Variants in KCNMB2 observed in about 807,000 individuals in gnomAD.
The protein encoded by KCNMB2 is calcium-activated potassium channel subunit beta-2.
Under a neutral mutation model 24.5 loss-of-function variants are expected in KCNMB2, and 9 were observed. The observed-to-expected ratio is 0.37, with a 90% CI of 0.22 to 0.64. The LOEUF (loss-of-function observed/expected upper bound fraction) is 0.64, where lower values mean the gene tolerates loss of function less well. Among genes scored for constraint, KCNMB2 ranks in the 30% least tolerant of loss-of-function variants. The pLI, the probability that KCNMB2 is intolerant of heterozygous loss-of-function variation, is 0.63. For synonymous variants in KCNMB2, 109 were observed against 104.4 expected, an observed-to-expected ratio of 1.04 and a Z score of -0.27; for missense variants, 226 against 284.3, an observed-to-expected ratio of 0.79 and a Z score of 1.47.
intron 1 of KCNMB2, among the ~76,000 whole-genome samples, chr3:178,683,334 G>C (rs1420525448): frequency 6.6e-6 from 1 of 151,498 alleles, no homozygotes; most frequent in African/African-American, 2.4e-5. Flanking sequence ...GGCACAGAGA[G>C]GGGAGGGAGA....
intron 1 of KCNMB2, among the ~76,000 whole-genome samples, chr3:178,611,130 G>A (rs1335094503): frequency 6.6e-6 from 1 of 152,108 alleles, no homozygotes; most frequent in Admixed American, 6.6e-5. Context: ...TTTACTGGGA[G>A]ACTTTTTATT....
intron 1 of KCNMB2, among the ~76,000 whole-genome samples, chr3:178,559,337 G>C (rs941529996): frequency 6.6e-6 from 1 of 152,014 alleles, no homozygotes; most frequent in Non-Finnish European, 1.5e-5. Context: ...TAATTCACAA[G>C]TCTCAGATTT....
At chr3:178,583,391 G>A (rs541276775) in intron 1 of KCNMB2, among the ~76,000 whole-genome samples, 1 of 152,074 alleles carries the variant, frequency 6.6e-6, no homozygotes, top group East Asian at 1.9e-4. Flanking sequence ...ATATAAAAAG[G>A]GAACCTAATA....
At chr3:178,571,474 A>G (rs1716792619) in intron 1 of KCNMB2, among the ~76,000 whole-genome samples, 2 of 96,260 alleles carry the variant, frequency 2.1e-5, no homozygotes, top group Non-Finnish European at 4.2e-5. Flanking sequence ...ATATATATAT[A>G]TATATATATA....
intron 1 of KCNMB2, among the ~76,000 whole-genome samples, chr3:178,662,794 A>G (rs1170734780): frequency 6.6e-6 from 1 of 152,050 alleles, no homozygotes; most frequent in Non-Finnish European, 1.5e-5. Context: ...TTATGCTAAG[A>G]TCTCTAAATG....
intron 1 of KCNMB2, among the ~76,000 whole-genome samples, chr3:178,800,490 C>A (rs1713732389): frequency 6.6e-6 from 1 of 152,062 alleles, no homozygotes; most frequent in African/African-American, 2.4e-5. Flanking sequence ...CGTCTCACCC[C>A]AAGTTAAAAT....
chr3:178,607,852 T>A (rs1414503586), intron 1 of KCNMB2, among the ~76,000 whole-genome samples: 9 of 152,156 alleles, frequency 5.9e-5, no homozygotes, highest in African/African-American at 2.2e-4. Flanking sequence ...TAGGTTTTAA[T>A]GAAAAGAACA....
At position 178,811,312 on chromosome 3, in the gene KCNMB2, A is replaced by G. The variant is rs565020361; in HGVS notation, c.56+3847A>G. Among the ~76,000 whole-genome samples, 46 of 152,278 alleles carry G rather than the reference A, an allele frequency of 3.0e-4. No homozygotes were observed. The South Asian group carries it at 5.4e-3, about 18-fold the overall frequency. Reference sequence around the variant, plus strand: ...TGAAGCCCTTGAGGATGCTTTCCCAATACTATTCTACTCCCCATCAATCAA... The same window carrying G: ...TGAAGCCCTTGAGGATGCTTTCCCAGTACTATTCTACTCCCCATCAATCAA... On this transcript the variant is annotated intron_variant, in intron 2 of 4. Coordinates refer to ENST00000452583, the MANE Select transcript of KCNMB2 (RefSeq NM_181361.3).
At chr3:178,758,561 GATATATATATAT>G (rs754815380) in intron 1 of KCNMB2, among the ~76,000 whole-genome samples, 98 of 16,878 alleles carry the variant, frequency 5.8e-3, no homozygotes, top group African/African-American at 9.0e-3. Flanking sequence ...TCCAAGAGGA[GATATATATATAT>G]ATATATATAT....
chr3:178,638,005 C>T (rs1208657067), intron 1 of KCNMB2, among the ~76,000 whole-genome samples: 2 of 152,144 alleles, frequency 1.3e-5, no homozygotes, highest in African/African-American at 2.4e-5. Context: ...TTCCTGGACA[C>T]TCATCTAAAC....
At chr3:178,696,732 A>T (rs1231624899) in intron 1 of KCNMB2, among the ~76,000 whole-genome samples, 1 of 151,950 alleles carries the variant, frequency 6.6e-6, no homozygotes, top group African/African-American at 2.4e-5. Flanking sequence ...TGATGTGTGC[A>T]TTTTCTTCTA....
chr3:178,774,647 C>T (rs865800723), intron 1 of KCNMB2, among the ~76,000 whole-genome samples: 1 of 152,176 alleles, frequency 6.6e-6, no homozygotes, highest in South Asian at 2.1e-4. Context: ...ACACTGAGGG[C>T]ACCCCCGCTC....
chr3:178,828,137 A>G, intron 3 of KCNMB2, 41 bp from the exon 4 acceptor site: 1 of 1,449,594 alleles, frequency 6.9e-7, no homozygotes, highest in Non-Finnish European at 9.6e-7. Flanking sequence ...TCTCACTATT[A>G]GCTCTTGGGC....
rs1187446020 is a variant in KCNMB2, at chr3:178,825,568, C to T, written c.57-20C>T. 2 of 1,602,042 alleles carry T rather than the reference C, an allele frequency of 1.2e-6. No homozygotes were observed. The highest frequency in any genetic ancestry group is 1.3e-5 in the African/African-American group (1 of 74,646). On this transcript the variant is annotated intron_variant, in intron 2 of 4. Coordinates refer to ENST00000452583, the MANE Select transcript of KCNMB2 (RefSeq NM_181361.3). ...TGATTAACTAAACTTAATGTAAGAC[C>T]ATATTGTTTTTAACCTCAGAAATAT...
At chr3:178,636,627 CTT>C (rs1206617793) in intron 1 of KCNMB2, among the ~76,000 whole-genome samples, 4 of 152,234 alleles carry the variant, frequency 2.6e-5, no homozygotes, top group Non-Finnish European at 5.9e-5. Flanking sequence ...TTCCAGCACT[CTT>C]TTCACCTTCA....
intron 1 of KCNMB2, among the ~76,000 whole-genome samples, chr3:178,619,471 A>C (rs1279429273): frequency 6.6e-6 from 1 of 152,200 alleles, no homozygotes; most frequent in Non-Finnish European, 1.5e-5. Flanking sequence ...TATAAATACC[A>C]AGAGGATTAA....
intron 1 of KCNMB2, among the ~76,000 whole-genome samples, chr3:178,609,402 G>A (rs1442204111): frequency 6.6e-6 from 1 of 150,496 alleles, no homozygotes; most frequent in Non-Finnish European, 1.5e-5. Flanking sequence ...CTTGTCTGAG[G>A]TGTTTTTTTT....
chr3:178,764,106 TCCA>T (rs957582517), intron 1 of KCNMB2, among the ~76,000 whole-genome samples: 26 of 152,214 alleles, frequency 1.7e-4, no homozygotes, highest in African/African-American at 6.3e-4. Context: ...TACTGCTCTT[TCCA>T]CCACACCATT....
intron 1 of KCNMB2, among the ~76,000 whole-genome samples, chr3:178,683,135 G>A (rs772147241): frequency 7.2e-5 from 11 of 151,958 alleles, no homozygotes; most frequent in Non-Finnish European, 1.3e-4. Context: ...GGAATACTAC[G>A]CAACCATAAA....
Sources: gnomAD v4.1 joint callset for allele counts (sites outside exome capture counted in the v4.1 genomes callset) on GRCh38, gnomAD v4.1.1 for gene constraint, MANE v1.5 for transcripts, NCBI Gene and HGNC (gene_info 2026-07-23, HGNC 2026-07-21) for gene names.